The following ANXA13 variants were observed in gnomAD, a reference collection of about 807,000 sequenced individuals.
ANXA13 encodes the protein annexin XIII.
In ANXA13, 36 loss-of-function variants were observed where a neutral mutation model predicts 46.6. The observed-to-expected ratio is 0.77, with a 90% CI of 0.59 to 1.02. The LOEUF (loss-of-function observed/expected upper bound fraction) is 1.02, where lower values mean the gene tolerates loss of function less well. ANXA13 is among the 50% of genes least tolerant of loss of function. ANXA13 has a pLI of 0.00. For missense variants in ANXA13, 417 were observed against 396.5 expected (o/e 1.05, Z -0.44); for synonymous variants, 163 against 152.9 (o/e 1.07, Z -0.49).
chr8:123,728,756 G>A (rs1814050931), intron 1 of ANXA13: 1 of 152,072 alleles, frequency 6.6e-6, no homozygotes, highest in Admixed American at 6.6e-5. Context: ...TCAAAACAAT[G>A]AATGTTATTC....
rs1346743942 is a variant in ANXA13, at chr8:123,690,554, T to C, written c.643-1608A>G. ...CTCCGTGGGACACAATCTGAAACAA[T>C]GGTCTGGCCCAAGCTGTTGGGACTG... On this transcript the variant is annotated intron_variant, in intron 8 of 10. Coordinates refer to ENST00000419625, the MANE Select transcript of ANXA13 (RefSeq NM_004306.4). The surrounding 1 kb of genome is among the most constrained non-coding windows in gnomAD (Gnocchi z 4.6). 1.3e-5 allele frequency among the ~76,000 whole-genome samples: 2 copies of C among 152,220 alleles called. No individual in the cohort carries two copies. Among genetic ancestry groups the C allele is most frequent in the Non-Finnish European group, 2.9e-5 (2 of 68,044 alleles).
At chr8:123,713,704 T>C (rs1432654717) in intron 1 of ANXA13, among the ~76,000 whole-genome samples, 1 of 152,178 alleles carries the variant, frequency 6.6e-6, no homozygotes, top group Non-Finnish European at 1.5e-5. Flanking sequence ...TATTTTCTTT[T>C]CTTTTTTGAG....
intron 3 of ANXA13, among the ~76,000 whole-genome samples, chr8:123,699,069 A>G (rs1028704480): frequency 7.2e-5 from 11 of 152,268 alleles, no homozygotes; most frequent in Admixed American, 6.5e-4. Flanking sequence ...TGTCATGGGA[A>G]GAACGACGGC....
In ANXA13 at chr8:123,690,721, CA is replaced by C. The variant is rs1247482709; in HGVS notation, c.643-1776del. On this transcript the variant is annotated intron_variant, in intron 8 of 10. Transcript: ENST00000419625. The surrounding 1 kb of genome is among the most constrained non-coding windows in gnomAD (Gnocchi z 4.6). ...GTCTCTAAGACTCTAGTTAAACAGGCAGCAATGCCTGCAGGGAGGTTATTAG... is the reference window on the plus strand; with the variant it reads ...GTCTCTAAGACTCTAGTTAAACAGGCGCAATGCCTGCAGGGAGGTTATTAG... Among the ~76,000 whole-genome samples the C allele has an allele frequency of 2.2e-4, 34 of 152,234 alleles. No homozygotes were observed. Among genetic ancestry groups the C allele is most frequent in the Admixed American group, 2.2e-3 (34 of 15,292 alleles).
In ANXA13 at chr8:123,718,751, T is replaced by G. The variant is rs1813805198; in HGVS notation, c.16-5998A>C. Reference sequence around the variant, plus strand: ...TCCATTTTTCTCAAAGGAGGAAGCATAGAAAATAAACGAGATGCTCTGATC... The same window carrying G: ...TCCATTTTTCTCAAAGGAGGAAGCAGAGAAAATAAACGAGATGCTCTGATC... On this transcript the variant is annotated intron_variant, in intron 1 of 10. Coordinates refer to ENST00000419625, the MANE Select transcript of ANXA13 (RefSeq NM_004306.4). Among the ~76,000 whole-genome samples, 6 of 152,222 alleles carry G rather than the reference T, an allele frequency of 3.9e-5. No individual in the cohort carries two copies. In the South Asian group the frequency reaches 1.2e-3, roughly 32 times the overall value.
At chr8:123,685,581 C>T (rs10106104) in intron 9 of ANXA13, among the ~76,000 whole-genome samples, 2,455 of 152,272 alleles carry the variant, frequency 0.016, 59 homozygotes, top group African/African-American at 0.056. Flanking sequence ...ATTATTTCAG[C>T]ATAAATGTGG....
rs186675617 is a variant in ANXA13 at position 123,702,116 on chromosome 8, C to T, written c.186+526G>A. Among the ~76,000 whole-genome samples, 243 of 152,178 alleles carry T rather than the reference C, an allele frequency of 1.6e-3. 1 individual carries two copies. Among genetic ancestry groups the T allele is most frequent in the Middle Eastern group, 3.4e-3 (1 of 294 alleles). ...AGAAAAGTTTAAGTTGTGTTCATTA[C>T]ATATTAATAAAGAAATAAGAAAGCC... On this transcript the variant is annotated intron_variant, in intron 3 of 10. Coordinates refer to ENST00000419625, the MANE Select transcript of ANXA13 (RefSeq NM_004306.4).
In ANXA13 at chr8:123,704,152, A is replaced by G. The variant is rs1813498857; in HGVS notation, c.92-1416T>C. Among the ~76,000 whole-genome samples, 3 of 152,296 alleles carry G rather than the reference A, an allele frequency of 2.0e-5. 1 individual carries two copies. In the South Asian group the frequency reaches 6.2e-4, roughly 32 times the overall value. ...GGGACACCAGGGGATGTAAATGACC[A>G]CGCGCCTGGCACTGCCTCACATCCA... On this transcript the variant is annotated intron_variant, in intron 2 of 10. Coordinates refer to ENST00000419625, the MANE Select transcript of ANXA13 (RefSeq NM_004306.4).
intron 2 of ANXA13, among the ~76,000 whole-genome samples, chr8:123,703,064 T>C (rs1813474667): frequency 6.6e-6 from 1 of 152,170 alleles, no homozygotes; most frequent in South Asian, 2.1e-4. Flanking sequence ...TGAATGTTCA[T>C]AGCAGCATTA....
intron 1 of ANXA13, chr8:123,735,722 A>G (rs758240911): frequency 6.3e-7 from 1 of 1,596,536 alleles, no homozygotes; most frequent in Non-Finnish European, 8.5e-7. Flanking sequence ...CAGGGGTCAT[A>G]CCTATGATTT....
At chr8:123,705,686 A>G (rs571628006) in intron 2 of ANXA13, among the ~76,000 whole-genome samples, 1 of 152,324 alleles carries the variant, frequency 6.6e-6, no homozygotes, top group African/African-American at 2.4e-5. Flanking sequence ...GTGGACCTAG[A>G]TGATGGCTGC....
intron 1 of ANXA13, among the ~76,000 whole-genome samples, chr8:123,716,484 G>A (rs1294539254): frequency 1.3e-5 from 2 of 152,098 alleles, no homozygotes; most frequent in African/African-American, 4.8e-5. Context: ...AGCCACGTTG[G>A]TTATCTTTCC....
chr8:123,681,277 C>T lies in ANXA13; in HGVS notation c.914G>A (p.Gly305Glu). 1.2e-6 allele frequency: 2 copies of T among 1,614,124 alleles called. No individual in the cohort carries two copies. Among genetic ancestry groups the T allele is most frequent in the Non-Finnish European group, 1.7e-6 (2 of 1,180,002 alleles). ...LSDMVRSDTS[G>E]DFRKLLVALL... ...GGCTACTAGCAGTTTCCGGAAGTCC[C>T]CGGAGGTATCTGAGCGAACCATGTC... The change falls in exon 11 of 11, where the codon GGG (glycine) becomes GAG (glutamate). Residue 305 changes from glycine to glutamate, a missense_variant. By Grantham distance (98) the Gly-to-Glu change is moderately conservative. Transcript: ENST00000419625.
chr8:123,737,352 G>T lies in ANXA13; in HGVS notation c.-18C>A, dbSNP rs767288153. ...TTGCCCATTTTCCTTTTTCTGAGAT[G>T]GTTTTTCTGTATTTCATCAAGAGAT... On this transcript the variant is annotated 5_prime_UTR_variant, in exon 1 of 11. Transcript: ENST00000419625. The T allele has an allele frequency of 3.7e-6, 6 of 1,609,676 alleles. No homozygotes were observed. The highest frequency in any genetic ancestry group is 5.1e-6 in the Non-Finnish European group (6 of 1,177,162).
Position 123,681,221 on chromosome 8 carries a change from C to G in ANXA13, c.*19G>C. 2 of 1,588,882 alleles carry G rather than the reference C, an allele frequency of 1.3e-6. No homozygotes were observed. The highest frequency in any genetic ancestry group is 1.7e-6 in the Non-Finnish European group (2 of 1,168,358). On this transcript the variant is annotated 3_prime_UTR_variant, in exon 11 of 11. Transcript: ENST00000419625. ...GACAAAGGCGGTTCCACCCTGTGTT[C>G]CTATTGCCCTGGCTTGGCTCAGTGC... is the stretch of plus-strand genomic sequence containing the variant.
chr8:123,704,768 C>T (rs1813509897), intron 2 of ANXA13, among the ~76,000 whole-genome samples: 1 of 152,188 alleles, frequency 6.6e-6, no homozygotes, highest in Admixed American at 6.5e-5. Context: ...TCTTTCCTTT[C>T]TCCTCTCCAT....
At chr8:123,692,975 C>T (rs1213565634) in intron 8 of ANXA13, among the ~76,000 whole-genome samples, 10 of 152,102 alleles carry the variant, frequency 6.6e-5, no homozygotes, top group Non-Finnish European at 1.0e-4. Flanking sequence ...AGCGGCATCC[C>T]GGGCCTCTGT....
At chr8:123,722,561 C>T (rs3898733) in intron 1 of ANXA13, among the ~76,000 whole-genome samples, 40,425 of 151,908 alleles carry the variant, frequency 0.27, 5,588 homozygotes, top group Non-Finnish European at 0.29. Context: ...ATGAAGTCAC[C>T]GCTATTTGCA....
At chr8:123,695,446 G>A (rs1406525445) in intron 6 of ANXA13, 56 bp downstream of exon 6, 19 of 1,334,724 alleles carry the variant, frequency 1.4e-5, no homozygotes, top group African/African-American at 2.9e-5. Flanking sequence ...ATGGTGCCAT[G>A]TTGCCAAGGA....
Sources: gnomAD v4.1 joint callset for allele counts (sites outside exome capture counted in the v4.1 genomes callset) on GRCh38, gnomAD v4.1.1 for gene constraint, Gnocchi (gnomAD v3.1) non-coding constraint, MANE v1.5 for transcripts, NCBI Gene and HGNC (gene_info 2026-07-23, HGNC 2026-07-21) for gene names.